ASAP3: variants seen among roughly 807,000 people sequenced by gnomAD.
ASAP3 encodes ArfGAP with SH3 domain, ankyrin repeat and PH domain 3.
ASAP3 carries 85 observed loss-of-function variants against 118.2 expected under a neutral mutation model. The observed-to-expected ratio is 0.72, with a 90% CI of 0.60 to 0.86. The LOEUF (loss-of-function observed/expected upper bound fraction) is 0.86, where lower values mean the gene tolerates loss of function less well. Ranked by LOEUF, ASAP3 falls within the 40% of genes least tolerant of loss-of-function variation. ASAP3 has a pLI of 0.00. For missense variants in ASAP3, 1,026 were observed against 1,175.0 expected, an observed-to-expected ratio of 0.87 and a Z score of 1.85; for synonymous variants, 432 against 477.4, an observed-to-expected ratio of 0.90 and a Z score of 1.24.
intron 1 of ASAP3, among the ~76,000 whole-genome samples, chr1:23,476,817 C>T (rs766518086): frequency 3.0e-4 from 45 of 152,236 alleles, no homozygotes; most frequent in Admixed American, 9.2e-4. Context: ...CTAAGAGGTC[C>T]CCTCCATCTG....
chr1:23,476,094 T>G (rs1471855170), intron 1 of ASAP3, among the ~76,000 whole-genome samples: 1 of 152,088 alleles, frequency 6.6e-6, no homozygotes, highest in Admixed American at 6.6e-5. Flanking sequence ...ACTTGTAATC[T>G]CAGCACTTTG....
At position 23,433,102 on chromosome 1, in the gene ASAP3, T is replaced by C. The variant is rs762978747; in HGVS notation, c.2298A>G (p.Gln766=). ...PVKNSSRTLV[Q]GCARHASGDR... Reference sequence around the variant, plus strand: ...CTCCACTGGCATGTCTTGCACACCCTTGGACCAAAGTCCGAGAAGAGTTTT... The same window carrying C: ...CTCCACTGGCATGTCTTGCACACCCCTGGACCAAAGTCCGAGAAGAGTTTT... Residue 766 remains glutamine, a synonymous_variant, in exon 22 of 25, where the codon CAA becomes CAG. Transcript: ENST00000336689. 5 of 1,614,116 alleles carry C rather than the reference T, an allele frequency of 3.1e-6. No homozygotes were observed. The South Asian group carries it at 3.3e-5, about 11-fold the overall frequency.
chr1:23,439,311 C>A lies in ASAP3; in HGVS notation c.945-81G>T. The A allele has an allele frequency of 5.3e-6, 7 of 1,320,294 alleles. 1 individual carries two copies. In the South Asian group the frequency reaches 8.5e-5, roughly 16 times the overall value. 81.8% of individuals were successfully genotyped at this position (1,320,294 alleles called of 1,614,324 possible). On this transcript the variant is annotated intron_variant, in intron 10 of 24. Transcript: ENST00000336689. Reference sequence around the variant, plus strand: ...GTGTCAGAGAACAGAAATTTGCCCCCACCTGTATGATCTCTAGCCACATCC... The same window carrying A: ...GTGTCAGAGAACAGAAATTTGCCCCAACCTGTATGATCTCTAGCCACATCC...
intron 3 of ASAP3, among the ~76,000 whole-genome samples, chr1:23,453,373 C>T (rs961658169): frequency 1.3e-5 from 2 of 152,126 alleles, no homozygotes; most frequent in Admixed American, 1.3e-4. Flanking sequence ...GGATAGGGAA[C>T]AGGCACGCAC....
chr1:23,462,395 C>T (rs1323965193), intron 1 of ASAP3, among the ~76,000 whole-genome samples: 1 of 152,020 alleles, frequency 6.6e-6, no homozygotes, highest in Non-Finnish European at 1.5e-5. Flanking sequence ...CCATTCCCGT[C>T]CCTACTGCTC....
chr1:23,480,965 T>C (rs1292387483), intron 1 of ASAP3, among the ~76,000 whole-genome samples: 1 of 152,206 alleles, frequency 6.6e-6, no homozygotes, highest in East Asian at 1.9e-4. Flanking sequence ...AGAGATCCAT[T>C]TTAAGGATAA....
chr1:23,460,052 C>A (rs1028378387), intron 1 of ASAP3, among the ~76,000 whole-genome samples: 2 of 152,166 alleles, frequency 1.3e-5, no homozygotes, highest in Admixed American at 6.5e-5. Flanking sequence ...AGGGAGATAA[C>A]CCCCAAACTC....
intron 1 of ASAP3, among the ~76,000 whole-genome samples, chr1:23,477,525 G>A (rs1442756228): frequency 2.6e-5 from 4 of 152,048 alleles, no homozygotes; most frequent in Admixed American, 6.6e-5. Flanking sequence ...TGGGACATGA[G>A]GATCTAGGCT....
chr1:23,464,379 G>A (rs1234608898), intron 1 of ASAP3, among the ~76,000 whole-genome samples: 1 of 151,580 alleles, frequency 6.6e-6, no homozygotes, highest in East Asian at 1.9e-4. Context: ...TAGAGATGGG[G>A]TTTCGCCATG....
chr1:23,441,022 T>G (rs1299371233), intron 10 of ASAP3, 80 bp downstream of exon 10: 1 of 1,317,010 alleles, frequency 7.6e-7, no homozygotes, highest in Non-Finnish European at 1.1e-6. Context: ...TTAGAACAGT[T>G]CCTTTGGGCA....
At chr1:23,434,737 G>GGA (rs757322248) in intron 17 of ASAP3, 119 bp from the exon 18 acceptor site, 58 of 904,972 alleles carry the variant, frequency 6.4e-5, no homozygotes, top group Non-Finnish European at 9.0e-5. Flanking sequence ...CCAGAACCCT[G>GGA]GAGAGATGAG....
intron 11 of ASAP3, 142 bp downstream of exon 11, chr1:23,439,019 C>G: frequency 8.7e-7 from 1 of 1,155,326 alleles, no homozygotes; most frequent in Non-Finnish European, 1.3e-6. Flanking sequence ...CAGGTCCCAT[C>G]TGTCCTCCCA....
chr1:23,441,757 G>C (rs371089923), intron 7 of ASAP3, 27 bp from the exon 8 acceptor site: 2 of 1,612,644 alleles, frequency 1.2e-6, no homozygotes, highest in East Asian at 2.2e-5. Flanking sequence ...GCCAAACAAG[G>C]GTCCAGATAA....
At position 23,466,087 on chromosome 1, in the gene ASAP3, A is replaced by G. The variant is rs1336233481; in HGVS notation, c.130-9893T>C. ...AAACACTGTAAAGGATGTCCTACTGAAAAGAAAACGGATTTGTTCAGGCTG... is the reference window on the plus strand; with the variant it reads ...AAACACTGTAAAGGATGTCCTACTGGAAAGAAAACGGATTTGTTCAGGCTG... On this transcript the variant is annotated intron_variant, in intron 1 of 24. Transcript: ENST00000336689. Among the ~76,000 whole-genome samples the G allele has an allele frequency of 6.6e-5, 10 of 152,314 alleles. No homozygotes were observed. In the East Asian group the frequency reaches 1.7e-3, roughly 26 times the overall value.
In ASAP3 at chr1:23,442,645, T is replaced by A. The variant is rs767939115; in HGVS notation, c.474-33A>T. On this transcript the variant is annotated intron_variant, in intron 5 of 24. Transcript: ENST00000336689. ...CCAAGGAAAGAGAAGCCTGAACAAG[T>A]CTCACCAGCCCCTATATCCTCTTCT... 9.3e-6 allele frequency: 15 copies of A among 1,605,144 alleles called. No homozygotes were observed. In the Admixed American group the frequency reaches 2.6e-4, roughly 27 times the overall value.
At chr1:23,431,525 T>C (rs566709098) in intron 23 of ASAP3, among the ~76,000 whole-genome samples, 171 bp downstream of exon 23, 5 of 152,132 alleles carry the variant, frequency 3.3e-5, no homozygotes, top group African/African-American at 1.2e-4. Flanking sequence ...TGGGAGCAAG[T>C]GTGTGAAGGG....
At chr1:23,440,559 A>G (rs1168807757) in intron 10 of ASAP3, among the ~76,000 whole-genome samples, 1 of 138,522 alleles carries the variant, frequency 7.2e-6, no homozygotes, top group Non-Finnish European at 1.5e-5. Context: ...TGTTGCAATA[A>G]GTGTTAGCTA....
At chr1:23,464,578 T>C (rs537361902) in intron 1 of ASAP3, among the ~76,000 whole-genome samples, 1 of 145,642 alleles carries the variant, frequency 6.9e-6, no homozygotes, top group East Asian at 2.0e-4. Flanking sequence ...GAGGAGCCCT[T>C]GAGCCCAGGA....
At chr1:23,450,803 T>G (rs1048711514) in intron 5 of ASAP3, among the ~76,000 whole-genome samples, 3 of 152,164 alleles carry the variant, frequency 2.0e-5, no homozygotes, top group Non-Finnish European at 4.4e-5. Flanking sequence ...CTCTACAGTA[T>G]GGGCCTGGCT....
Sources: allele counts gnomAD v4.1 joint callset (sites outside exome capture counted in the v4.1 genomes callset), GRCh38; gene constraint gnomAD v4.1.1; transcripts MANE v1.5; gene names NCBI Gene and HGNC (gene_info 2026-07-23, HGNC 2026-07-21).